The following HK2 variants were observed in gnomAD, a reference collection of about 807,000 sequenced individuals.
HK2 encodes the protein hexokinase 2.
Under a neutral mutation model 92.9 loss-of-function variants are expected in HK2, and 42 were observed. The observed-to-expected ratio is 0.45, with a 90% CI of 0.35 to 0.58. The LOEUF is 0.58. Ranked by LOEUF, HK2 falls within the 20% of genes least tolerant of loss-of-function variation. The probability of loss-of-function intolerance (pLI) is 0.00; values close to 1 mark genes in which losing one functional copy is unlikely to be tolerated. For synonymous variants in HK2, 422 were observed against 468.0 expected (o/e 0.90, Z 1.27); for missense variants, 978 against 1,245.1 (o/e 0.79, Z 3.23).
intron 1 of HK2, among the ~76,000 whole-genome samples, chr2:74,849,781 GTT>G (rs1688523861): frequency 6.6e-6 from 1 of 152,200 alleles, no homozygotes; most frequent in Non-Finnish European, 1.5e-5. Flanking sequence ...TATTCATCCT[GTT>G]TTGTGGCAAG....
intron 1 of HK2, among the ~76,000 whole-genome samples, chr2:74,839,028 G>T (rs1415343827): frequency 6.6e-6 from 1 of 152,192 alleles, no homozygotes; most frequent in African/African-American, 2.4e-5. Flanking sequence ...CATAGCTCAT[G>T]TAGATTCCTT....
chr2:74,877,373 G>T (rs577669528), intron 8 of HK2, 52 bp downstream of exon 8: 3 of 1,601,138 alleles, frequency 1.9e-6, no homozygotes, highest in African/African-American at 1.3e-5. Flanking sequence ...ACGAGTTGAC[G>T]GGTAGTTGGG....
At chr2:74,850,929 A>G (rs1267258723) in intron 1 of HK2, among the ~76,000 whole-genome samples, 2 of 151,524 alleles carry the variant, frequency 1.3e-5, no homozygotes, top group Non-Finnish European at 2.9e-5. Flanking sequence ...TCAAGTTTTG[A>G]GAGTTCAAAG....
At chr2:74,883,953 T>G (rs1689462491) in intron 12 of HK2, among the ~76,000 whole-genome samples, 1 of 152,212 alleles carries the variant, frequency 6.6e-6, no homozygotes, top group South Asian at 2.1e-4. Flanking sequence ...GTTTTAAAAC[T>G]ACTTTTCTTT....
At chr2:74,868,683 T>G (rs563888777) in intron 3 of HK2, among the ~76,000 whole-genome samples, 4 of 152,198 alleles carry the variant, frequency 2.6e-5, no homozygotes, top group African/African-American at 9.7e-5. Flanking sequence ...TTTCTTCCCG[T>G]TGCCTCGATC....
Position 74,890,814 on chromosome 2 carries a change from A to G in HK2, c.2627A>G (p.His876Arg). ...TTTTCCAGCTTTGCCAAAGTCATGC[A>G]TGAGACAGTGAAGGACCTGGCTCCG... ...KLHPHFAKVM[H>R]ETVKDLAPKC... Residue 876 changes from histidine (H) to arginine (R), a missense_variant, in exon 18 of 18, where the codon CAT becomes CGT. By Grantham distance (29) the His-to-Arg change is conservative (BLOSUM62 0). This residue lies in a region of HK2 where 742 missense variants were observed against 922.5 expected (regional missense o/e 0.80). Coordinates refer to ENST00000290573, the MANE Select transcript of HK2 (RefSeq NM_000189.5). 1 of 1,614,162 alleles carries G rather than the reference A, an allele frequency of 6.2e-7. No homozygotes were observed. The highest frequency in any genetic ancestry group is 8.5e-7 in the Non-Finnish European group (1 of 1,180,030).
At chr2:74,880,864 C>A (rs1462924057) in intron 10 of HK2, among the ~76,000 whole-genome samples, 2 of 152,190 alleles carry the variant, frequency 1.3e-5, no homozygotes, top group African/African-American at 4.8e-5. Context: ...TATGTATTCA[C>A]CTATGTTTGA....
Position 74,878,934 on chromosome 2 carries a change from G to GCC in HK2, c.1265+14_1265+15insCC. 6.5e-7 allele frequency: 1 copy of GCC among 1,544,580 alleles called. No individual in the cohort carries two copies. The highest frequency in any genetic ancestry group is 8.8e-7 in the Non-Finnish European group (1 of 1,140,852). On this transcript the variant is annotated intron_variant, in intron 9 of 17. Coordinates refer to ENST00000290573, the MANE Select transcript of HK2 (RefSeq NM_000189.5). ...AGAAACACCCCCAGTGAGTCAGTGT[G>GCC]CAGGGCCTGGAGATGCGGAGTTCCT...
intron 1 of HK2, among the ~76,000 whole-genome samples, chr2:74,847,867 G>A (rs1260748319): frequency 6.6e-6 from 1 of 152,212 alleles, no homozygotes; most frequent in East Asian, 1.9e-4. Context: ...CCTTACTGGG[G>A]ACTGAATGGC....
intron 2 of HK2, among the ~76,000 whole-genome samples, chr2:74,863,607 T>A (rs1480002080): frequency 6.6e-6 from 1 of 152,214 alleles, no homozygotes; most frequent in Non-Finnish European, 1.5e-5. Context: ...CATTACCTGC[T>A]TAGGACTTGG....
chr2:74,848,637 C>T (rs147336472), intron 1 of HK2, among the ~76,000 whole-genome samples: 193 of 152,282 alleles, frequency 1.3e-3, no homozygotes, highest in African/African-American at 4.3e-3. Flanking sequence ...GGTTTCGTTT[C>T]GTCTACACTT....
chr2:74,848,759 G>T (rs1459956061), intron 1 of HK2, among the ~76,000 whole-genome samples: 1 of 152,144 alleles, frequency 6.6e-6, no homozygotes, highest in Non-Finnish European at 1.5e-5. Flanking sequence ...TTTGATCAAG[G>T]CCAGGTTCCC....
In HK2 at chr2:74,878,896, G is replaced by A. The variant is rs1175889916; in HGVS notation, c.1240G>A (p.Gly414Ser). 4.5e-6 allele frequency: 7 copies of A among 1,551,516 alleles called. No homozygotes were observed. Among genetic ancestry groups the A allele is most frequent in the Middle Eastern group, 1.7e-4 (1 of 5,992 alleles). Residue 414 changes from glycine (G) to serine (S), a missense_variant, in exon 9 of 18, where the codon GGT becomes AGT. By Grantham distance (56) the Gly-to-Ser change is moderately conservative. Transcript: ENST00000290573. ...GCTGCGCTCTACTATTGGGGTCGAC[G>A]GTTCCGTCTACAAGAAACACCCCCA... ...ERLRSTIGVD[G>S]SVYKKHPHFA...
intron 4 of HK2, among the ~76,000 whole-genome samples, chr2:74,872,671 A>G (rs1689124844): frequency 6.6e-6 from 1 of 152,180 alleles, no homozygotes; most frequent in Non-Finnish European, 1.5e-5. Context: ...AGAAACAGGA[A>G]TGAGAAATCA....
At position 74,873,892 on chromosome 2, in the gene HK2, A is replaced by T; in HGVS notation, c.640A>T (p.Met214Leu). ...TGTGGTGAATGACACAGTTGGGACCATGATGACCTGTGGTTATGATGACCA... is the reference window on the plus strand; with the variant it reads ...TGTGGTGAATGACACAGTTGGGACCTTGATGACCTGTGGTTATGATGACCA... ...VAVVNDTVGT[M>L]MTCGYDDHNC... Residue 214 changes from methionine (M) to leucine (L), a missense_variant, in exon 6 of 18, where the codon ATG (methionine) becomes TTG (leucine). By Grantham distance (15) the Met-to-Leu change is conservative (BLOSUM62 2). Coordinates refer to ENST00000290573, the MANE Select transcript of HK2 (RefSeq NM_000189.5). 1 of 1,614,150 alleles carries T rather than the reference A, an allele frequency of 6.2e-7. No homozygotes were observed. Among genetic ancestry groups the T allele is most frequent in the East Asian group, 2.2e-5 (1 of 44,876 alleles).
chr2:74,859,315 T>C (rs1042612953), intron 2 of HK2, among the ~76,000 whole-genome samples: 2 of 152,240 alleles, frequency 1.3e-5, no homozygotes, highest in South Asian at 4.1e-4. Flanking sequence ...GTAACTAGAG[T>C]TCAATATTTG....
In HK2 at chr2:74,891,037, G is replaced by T; in HGVS notation, c.*96G>T. 1 of 1,469,038 alleles carries T rather than the reference G, an allele frequency of 6.8e-7. No individual in the cohort carries two copies. The highest frequency in any genetic ancestry group is 9.2e-7 in the Non-Finnish European group (1 of 1,082,798). 91.0% of individuals were successfully genotyped at this position (1,469,038 alleles called of 1,614,324 possible). A position where few individuals can be genotyped will look rare whatever the true frequency, so the allele number is the denominator to read the frequency against. On this transcript the variant is annotated 3_prime_UTR_variant, in exon 18 of 18. Coordinates refer to ENST00000290573, the MANE Select transcript of HK2 (RefSeq NM_000189.5). ...CCTTGTGTCAGAGACAGACCCCTTG[G>T]CTTTTGCTTGGCAGAGAGGACCCCA...
chr2:74,844,656 C>T (rs776855488), intron 1 of HK2, among the ~76,000 whole-genome samples: 10 of 152,206 alleles, frequency 6.6e-5, no homozygotes, highest in Non-Finnish European at 1.5e-4. Flanking sequence ...GCAAGAGGCT[C>T]AGAGGCAGAT....
Position 74,872,422 on chromosome 2 carries a change from A to G in HK2, c.495+3A>G. 1 of 1,613,986 alleles carries G rather than the reference A, an allele frequency of 6.2e-7. No individual in the cohort carries two copies. The highest frequency in any genetic ancestry group is 8.5e-7 in the Non-Finnish European group (1 of 1,179,886). Reference sequence around the variant, plus strand: ...GCCACCAGACTAAACTAGACGAGGTAAGATGGGCTCCTCAGACACTTGTTG... The same window carrying G: ...GCCACCAGACTAAACTAGACGAGGTGAGATGGGCTCCTCAGACACTTGTTG... On this transcript the variant is annotated splice_donor_region_variant and intron_variant, in intron 4 of 17. Coordinates refer to ENST00000290573, the MANE Select transcript of HK2 (RefSeq NM_000189.5).
Sources: gnomAD v4.1 joint callset for allele counts (sites outside exome capture counted in the v4.1 genomes callset) on GRCh38, gnomAD v4.1.1 for gene constraint, gnomAD v4.1.1 regional missense constraint, MANE v1.5 for transcripts, NCBI Gene and HGNC (gene_info 2026-07-23, HGNC 2026-07-21) for gene names.